The following SLC44A5 variants were observed in gnomAD, a reference collection of about 807,000 sequenced individuals.
The protein encoded by SLC44A5 is choline transporter-like protein 5.
A neutral mutation model predicts 101.8 loss-of-function variants in SLC44A5; 57 were observed. That is an observed-to-expected ratio of 0.56 (90% confidence interval 0.45 to 0.70). The LOEUF (loss-of-function observed/expected upper bound fraction) is 0.70, where lower values mean the gene tolerates loss of function less well. Ranked by LOEUF, SLC44A5 falls within the 30% of genes least tolerant of loss-of-function variation. The pLI is 0.00. For missense variants in SLC44A5, 737 were observed against 853.1 expected, an observed-to-expected ratio of 0.86 and a Z score of 1.70; for synonymous variants, 281 against 290.9, an observed-to-expected ratio of 0.97 and a Z score of 0.35.
chr1:75,661,559 C>A, the SLC44A5 span, among the ~76,000 whole-genome samples: 1 of 151,794 alleles, frequency 6.6e-6, no homozygotes, highest in Non-Finnish European at 1.5e-5. Flanking sequence ...AAAATCAGCA[C>A]AGTCAACAGA....
At chr1:75,486,655 C>T (rs1199734145) in intron 2 of SLC44A5, among the ~76,000 whole-genome samples, 1 of 152,016 alleles carries the variant, frequency 6.6e-6, no homozygotes, top group Non-Finnish European at 1.5e-5. Flanking sequence ...AGAAATTGGC[C>T]AAAACAAAGA....
At chr1:75,586,206 C>A (rs1673980523) in intron 1 of SLC44A5, among the ~76,000 whole-genome samples, 1 of 152,080 alleles carries the variant, frequency 6.6e-6, no homozygotes, top group South Asian at 2.1e-4. Flanking sequence ...AATCTGCTTT[C>A]TCTGCTTGTT....
chr1:75,499,062 C>G (rs1668812543), intron 2 of SLC44A5, among the ~76,000 whole-genome samples: 1 of 152,164 alleles, frequency 6.6e-6, no homozygotes, highest in South Asian at 2.1e-4. Flanking sequence ...GTATTCAAAA[C>G]AGTAGCATGC....
chr1:75,376,295 A>G (rs1048651147), intron 3 of SLC44A5, among the ~76,000 whole-genome samples: 1 of 152,218 alleles, frequency 6.6e-6, no homozygotes, highest in Non-Finnish European at 1.5e-5. Context: ...TGCCTAGGTA[A>G]ACAAAGCAGC....
intron 2 of SLC44A5, among the ~76,000 whole-genome samples, chr1:75,401,183 G>A (rs1171948728): frequency 2.0e-5 from 3 of 152,222 alleles, no homozygotes; most frequent in Non-Finnish European, 4.4e-5. Flanking sequence ...AATGGAACCA[G>A]GGTAAGAGGA....
At chr1:75,261,255 AC>A (rs1473914783) in intron 6 of SLC44A5, among the ~76,000 whole-genome samples, 3 of 152,136 alleles carry the variant, frequency 2.0e-5, no homozygotes, top group Non-Finnish European at 4.4e-5. Flanking sequence ...GAAATGATGA[AC>A]AAAATAGTCA....
intron 4 of SLC44A5, among the ~76,000 whole-genome samples, chr1:75,318,126 CA>C: frequency 6.6e-6 from 1 of 152,234 alleles, no homozygotes; most frequent in Middle Eastern, 3.4e-3. Context: ...CCTGTAATTC[CA>C]GCAACTTGGG....
At chr1:75,300,532 A>C in intron 5 of SLC44A5, 80 bp downstream of exon 5, 1 of 939,722 alleles carries the variant, frequency 1.1e-6, no homozygotes, top group Non-Finnish European at 1.6e-6. Flanking sequence ...GGAAGACAAT[A>C]ATTAATTTTT....
the SLC44A5 span, among the ~76,000 whole-genome samples, chr1:75,683,996 TA>T: frequency 6.6e-6 from 1 of 152,128 alleles, no homozygotes; most frequent in Non-Finnish European, 1.5e-5. Flanking sequence ...CTGGGAAATT[TA>T]TAAAGGAAAG....
intron 2 of SLC44A5, among the ~76,000 whole-genome samples, chr1:75,532,954 C>G (rs777995762): frequency 6.6e-6 from 1 of 152,146 alleles, no homozygotes; most frequent in Non-Finnish European, 1.5e-5. Context: ...TATCTTATTA[C>G]TAATAATTAG....
In SLC44A5 at chr1:75,203,772, C is replaced by G; in HGVS notation, c.2109G>C (p.Leu703Phe). The part of the protein sequence containing the change: ...TARPYYVSQP[L>F]LKIFQEENPQ... ...GATTTTCCTCCTGGAAAATCTTCAG[C>G]AAAGGTTGACTCACATAATAAGGTC... The change falls in exon 24 of 24, where the codon TTG becomes TTC. Residue 703 changes from leucine (L) to phenylalanine (F), a missense_variant. By Grantham distance (22) the Leu-to-Phe change is conservative (BLOSUM62 0). Transcript: ENST00000370859. The G allele has an allele frequency of 6.5e-7, 1 of 1,550,064 alleles. No homozygotes were observed. The highest frequency in any genetic ancestry group is 1.2e-5 in the South Asian group (1 of 83,712).
At chr1:75,719,927 G>T in the SLC44A5 span, among the ~76,000 whole-genome samples, 1 of 152,272 alleles carries the variant, frequency 6.6e-6, no homozygotes, top group Admixed American at 6.5e-5. Context: ...CTCTACACAT[G>T]AATTAGTGGA....
chr1:75,660,778 G>GA, the SLC44A5 span, among the ~76,000 whole-genome samples: 1 of 152,086 alleles, frequency 6.6e-6, no homozygotes, highest in East Asian at 1.9e-4. Context: ...ATGCTACAAT[G>GA]AAAACTATAA....
intron 2 of SLC44A5, among the ~76,000 whole-genome samples, chr1:75,496,680 T>C (rs902801862): frequency 6.0e-5 from 9 of 149,050 alleles, no homozygotes; most frequent in African/African-American, 2.2e-4. Flanking sequence ...AAGGAAACGA[T>C]AAGATGAAAA....
At chr1:75,684,430 A>C in the SLC44A5 span, among the ~76,000 whole-genome samples, 1 of 152,302 alleles carries the variant, frequency 6.6e-6, no homozygotes, top group East Asian at 1.9e-4. Flanking sequence ...CATCTGAAAC[A>C]AGGCAAGTTC....
chr1:75,470,394 C>A (rs543153902), intron 2 of SLC44A5, among the ~76,000 whole-genome samples: 1 of 152,148 alleles, frequency 6.6e-6, no homozygotes, highest in African/African-American at 2.4e-5. Context: ...TAGGTCCCCA[C>A]GTTTGAAATA....
the SLC44A5 span, among the ~76,000 whole-genome samples, chr1:75,710,892 T>C: frequency 6.6e-6 from 1 of 152,196 alleles, no homozygotes; most frequent in African/African-American, 2.4e-5. Context: ...ATCATCTCTA[T>C]TTGAAGATGT....
At chr1:75,609,224 AG>A (rs1411695578) in intron 1 of SLC44A5, among the ~76,000 whole-genome samples, 3 of 151,860 alleles carry the variant, frequency 2.0e-5, no homozygotes, top group African/African-American at 7.2e-5. Flanking sequence ...GGGAGGAGGA[AG>A]GGATTCTTTG....
the SLC44A5 span, among the ~76,000 whole-genome samples, chr1:75,716,481 AAAAC>A: frequency 2.0e-5 from 3 of 152,012 alleles, no homozygotes; most frequent in African/African-American, 7.3e-5. Context: ...AAAAAAAGGA[AAAAC>A]AAAAAGAAAA....
Sources: gnomAD v4.1 joint callset for allele counts (sites outside exome capture counted in the v4.1 genomes callset) on GRCh38, gnomAD v4.1.1 for gene constraint, MANE v1.5 for transcripts, NCBI Gene and HGNC (gene_info 2026-07-23, HGNC 2026-07-21) for gene names.